The following SPNS2 variants were observed in gnomAD, a reference collection of about 807,000 sequenced individuals.
SPNS2 encodes SPNS lysolipid transporter 2, sphingosine-1-phosphate.
A neutral mutation model predicts 57.6 loss-of-function variants in SPNS2; 37 were observed. The observed-to-expected ratio is 0.64, with a 90% CI of 0.49 to 0.85. The LOEUF is 0.85. Ranked by LOEUF, SPNS2 falls within the 40% of genes least tolerant of loss-of-function variation. SPNS2 has a pLI of 0.00. For synonymous variants in SPNS2, 440 were observed against 346.9 expected (o/e 1.27, Z -2.98); for missense variants, 831 against 779.1 (o/e 1.07, Z -0.79).
intron 12 of SPNS2, 92 bp from the exon 13 acceptor site, chr17:4,537,361 G>A (rs999788627): frequency 5.3e-5 from 21 of 395,014 alleles, no homozygotes; most frequent in African/African-American, 8.3e-5. Flanking sequence ...GAAGGCTTGC[G>A]TCTCCAAACA....
chr17:4,526,989 C>A (rs1042506503), intron 3 of SPNS2, among the ~76,000 whole-genome samples: 1 of 152,194 alleles, frequency 6.6e-6, no homozygotes, highest in African/African-American at 2.4e-5. Flanking sequence ...CCTGGCCAGG[C>A]CCCTGGTCAC....
rs143962045 is a variant in SPNS2, at chr17:4,518,658, C to T, written c.436+5346C>T. ...GGGTTTGTAGGCTCACGAGGAAGTG[C>T]CAGGATGGGGATGGGGGAACGGAGG... On this transcript the variant is annotated intron_variant, in intron 2 of 12. Transcript: ENST00000329078. 2.9e-3 allele frequency among the ~76,000 whole-genome samples: 431 copies of T among 150,928 alleles called. 3 individuals are homozygous for T. Among genetic ancestry groups the T allele is most frequent in the African/African-American group, 0.01 (407 of 40,276 alleles).
Position 4,535,777 on chromosome 17 carries a change from C to T in SPNS2, c.1345-299C>T, listed in dbSNP as rs141119499. On this transcript the variant is annotated intron_variant, in intron 9 of 12. Transcript: ENST00000329078. ...GACGCTTTCAGTATGGGGCAGGTCG[C>T]AGTGGTCTGGGTTGGAGGTGTGGAA... 2.8e-3 allele frequency among the ~76,000 whole-genome samples: 431 copies of T among 152,036 alleles called. 4 individuals carry two copies. The highest frequency in any genetic ancestry group is 9.8e-3 in the African/African-American group (407 of 41,456).
At chr17:4,520,228 G>A (rs1186365721) in intron 2 of SPNS2, among the ~76,000 whole-genome samples, 1 of 152,208 alleles carries the variant, frequency 6.6e-6, no homozygotes, top group East Asian at 1.9e-4. Flanking sequence ...GGCTGGGGCC[G>A]GTGGGTGGGG....
intron 1 of SPNS2, among the ~76,000 whole-genome samples, chr17:4,506,857 T>C (rs927171641): frequency 2.0e-5 from 3 of 152,060 alleles, no homozygotes; most frequent in Non-Finnish European, 2.9e-5. Flanking sequence ...ACAAACCCAG[T>C]TGAGATTCAG....
chr17:4,535,973 G>C (rs999746526), intron 9 of SPNS2, 103 bp from the exon 10 acceptor site: 1 of 901,572 alleles, frequency 1.1e-6, no homozygotes, highest in Non-Finnish European at 1.7e-6. Flanking sequence ...GGGCAGGAGT[G>C]AGTCTGAGGG....
In SPNS2 at chr17:4,533,281, T is replaced by A; in HGVS notation, c.1127T>A (p.Leu376Gln). The A allele has an allele frequency of 6.2e-7, 1 of 1,609,888 alleles. No individual in the cohort carries two copies. The highest frequency in any genetic ancestry group is 8.5e-7 in the Non-Finnish European group (1 of 1,177,832). Reference protein sequence around the residue: ...FGAITCFTGFLGVVTGAGATR... With the variant: ...FGAITCFTGFQGVVTGAGATR... Reference sequence around the variant, plus strand: ...GCCATCACCTGCTTTACGGGATTTCTGGGCGTGGTCACGGGGGCAGGAGCC... The same window carrying A: ...GCCATCACCTGCTTTACGGGATTTCAGGGCGTGGTCACGGGGGCAGGAGCC... The change falls in exon 8 of 13, where the codon CTG becomes CAG. Residue 376 changes from leucine (L) to glutamine (Q), a missense_variant. Coordinates refer to ENST00000329078, the MANE Select transcript of SPNS2 (RefSeq NM_001124758.3).
At chr17:4,536,481 T>C (rs923407117) in intron 11 of SPNS2, 55 bp downstream of exon 11, 17 of 1,556,036 alleles carry the variant, frequency 1.1e-5, no homozygotes, top group Non-Finnish European at 1.5e-5. Context: ...GGGACCGTGA[T>C]AGCCACCGTG....
Position 4,530,765 on chromosome 17 carries a change from T to G in SPNS2, c.707T>G (p.Phe236Cys). Residue 236 changes from phenylalanine to cysteine, a missense_variant, in exon 4 of 13, where the codon TTC becomes TGC. Phe to Cys is a radical substitution (Grantham distance 205, BLOSUM62 -2). Around this residue, in one of 2 missense-constraint regions of SPNS2, gnomAD observed 305 missense variants for 378.3 expected, o/e 0.81. Coordinates refer to ENST00000329078, the MANE Select transcript of SPNS2 (RefSeq NM_001124758.3). The part of the protein sequence containing the change: ...TRTLMLSVFY[F>C]AIPLGSGLGY... ...ACGCTCATGCTGTCCGTCTTCTACT[T>G]CGCCATCCCACTGGGCAGGTGAGAG... The G allele has an allele frequency of 6.2e-7, 1 of 1,613,606 alleles. No homozygotes were observed. The highest frequency in any genetic ancestry group is 8.5e-7 in the Non-Finnish European group (1 of 1,179,820).
In SPNS2 at chr17:4,538,423, C is replaced by T. The variant is rs73335852; in HGVS notation, c.*975C>T. ...GCTGAGGCTGAGGCCCCGGGAGAGG[C>T]GGCCCCTACCCAAACACTGGCTGCT... On this transcript the variant is annotated 3_prime_UTR_variant, in exon 13 of 13. Transcript: ENST00000329078. 0.023 allele frequency: 4,366 copies of T among 193,038 alleles called. 121 individuals are homozygous for T. Among genetic ancestry groups the T allele is most frequent in the African/African-American group, 0.071 (2,991 of 41,844 alleles). The allele number at this position is 193,038 out of a possible 1,614,324, so 12.0% of individuals were successfully genotyped here.
Position 4,510,781 on chromosome 17 carries a change from G to A in SPNS2, c.371-2466G>A, listed in dbSNP as rs1254468984. Among the ~76,000 whole-genome samples, 1 of 152,190 alleles carries A rather than the reference G, an allele frequency of 6.6e-6. No individual in the cohort carries two copies. Among genetic ancestry groups the A allele is most frequent in the Non-Finnish European group, 1.5e-5 (1 of 68,038 alleles). ...CTCCTGCCTGGCTTGTGGTCTAGTG[G>A]AGGATGAAGAAACATTCACCCACGT... On this transcript the variant is annotated intron_variant, in intron 1 of 12. Transcript: ENST00000329078. This position sits in a 1 kb window ranked among gnomAD's most constrained non-coding sequence, Gnocchi z 4.4.
intron 9 of SPNS2, among the ~76,000 whole-genome samples, chr17:4,534,682 TG>T (rs1188782478): frequency 3.9e-5 from 6 of 152,054 alleles, no homozygotes; most frequent in Non-Finnish European, 7.4e-5. Flanking sequence ...CGCTTCCCCC[TG>T]GGGTGGCTCT....
intron 1 of SPNS2, among the ~76,000 whole-genome samples, chr17:4,506,215 C>A (rs1904673666): frequency 6.6e-6 from 1 of 152,202 alleles, no homozygotes; most frequent in African/African-American, 2.4e-5. Flanking sequence ...AGGCGGGGAG[C>A]AGCAGTCCCT....
At chr17:4,525,010 G>T (rs745516582) in intron 2 of SPNS2, 47 bp from the exon 3 acceptor site, 2 of 1,597,280 alleles carry the variant, frequency 1.3e-6, no homozygotes. Context: ...CCGGGAGGCC[G>T]GGGCGCAGGG....
At chr17:4,523,865 A>G (rs1476190248) in intron 2 of SPNS2, among the ~76,000 whole-genome samples, 1 of 152,068 alleles carries the variant, frequency 6.6e-6, no homozygotes, top group Non-Finnish European at 1.5e-5. Context: ...TGATTTGTTT[A>G]TTTCTTTATT....
rs1281708101 is a variant in SPNS2, at chr17:4,537,746, G to C, written c.*298G>C. The C allele has an allele frequency of 2.2e-6, 1 of 456,624 alleles. No individual in the cohort carries two copies. Among genetic ancestry groups the C allele is most frequent in the Non-Finnish European group, 4.4e-6 (1 of 226,850 alleles). 28.3% of individuals were successfully genotyped at this position (456,624 alleles called of 1,614,324 possible). ...AGACAGCCCCAAGTGGGTGTCCGGG[G>C]AGAGCCTGGCCTGCCACCAGCTTAT... On this transcript the variant is annotated 3_prime_UTR_variant, in exon 13 of 13. Coordinates refer to ENST00000329078, the MANE Select transcript of SPNS2 (RefSeq NM_001124758.3).
At chr17:4,536,455 G>C (rs748506470) in intron 11 of SPNS2, 29 bp downstream of exon 11, 9 of 1,579,604 alleles carry the variant, frequency 5.7e-6, no homozygotes, top group South Asian at 1.1e-5. Context: ...AGGCCCTGCT[G>C]CACCGCCGGG....
intron 2 of SPNS2, among the ~76,000 whole-genome samples, chr17:4,519,241 G>T (rs186094370): frequency 6.6e-6 from 1 of 152,244 alleles, no homozygotes; most frequent in Non-Finnish European, 1.5e-5. Flanking sequence ...GCCACAGGGC[G>T]GGGGCTCAGG....
At chr17:4,518,628 G>A (rs1243987756) in intron 2 of SPNS2, among the ~76,000 whole-genome samples, 1 of 152,250 alleles carries the variant, frequency 6.6e-6, no homozygotes, top group Non-Finnish European at 1.5e-5. Context: ...GGCTACTCAG[G>A]GCCGGGGTTT....
Sources: gnomAD v4.1 joint callset for allele counts (sites outside exome capture counted in the v4.1 genomes callset) on GRCh38, gnomAD v4.1.1 for gene constraint, gnomAD v4.1.1 regional missense constraint, Gnocchi (gnomAD v3.1) non-coding constraint, MANE v1.5 for transcripts, NCBI Gene and HGNC (gene_info 2026-07-23, HGNC 2026-07-21) for gene names.